The following NXPE4 variants were observed in gnomAD, a reference collection of about 807,000 sequenced individuals.
NXPE4 encodes neurexophilin and PC-esterase domain family member 4.
NXPE4 carries 42 observed loss-of-function variants against 33.3 expected under a neutral mutation model. The observed-to-expected ratio is 1.26, with a 90% CI of 0.98 to 1.63. The LOEUF (loss-of-function observed/expected upper bound fraction) is 1.63, where lower values mean the gene tolerates loss of function less well. Among genes scored for constraint, NXPE4 ranks in the 40% most tolerant of loss-of-function variants. NXPE4 has a pLI of 0.00. For missense variants in NXPE4, 709 were observed against 647.6 expected (o/e 1.09, Z -1.03); for synonymous variants, 253 against 234.9 (o/e 1.08, Z -0.71).
intron 2 of NXPE4, among the ~76,000 whole-genome samples, chr11:114,587,929 C>G (rs1949346212): frequency 6.6e-6 from 1 of 152,092 alleles, no homozygotes; most frequent in Non-Finnish European, 1.5e-5. Context: ...CAGAGGGGAG[C>G]CTTAATTTTA....
At chr11:114,672,527 G>T in the NXPE4 span, among the ~76,000 whole-genome samples, 1 of 151,848 alleles carries the variant, frequency 6.6e-6, no homozygotes, top group Non-Finnish European at 1.5e-5. Context: ...GGCAGAAATT[G>T]CCAGACTGGT....
the NXPE4 span, among the ~76,000 whole-genome samples, chr11:114,660,108 T>A: frequency 4.2e-4 from 64 of 152,140 alleles, 1 homozygote; most frequent in Non-Finnish European, 7.4e-4. Flanking sequence ...ATAGATAACC[T>A]GAAAATTCTA....
intron 4 of NXPE4, among the ~76,000 whole-genome samples, chr11:114,581,305 G>A (rs1949139506): frequency 6.6e-6 from 1 of 151,998 alleles, no homozygotes; most frequent in Non-Finnish European, 1.5e-5. Flanking sequence ...CAAGAGGGAG[G>A]GGTTATAATA....
intron 2 of NXPE4, among the ~76,000 whole-genome samples, chr11:114,590,806 C>G (rs1236545448): frequency 6.6e-6 from 1 of 152,152 alleles, no homozygotes; most frequent in Non-Finnish European, 1.5e-5. Flanking sequence ...CAAATTAACC[C>G]TGGGAAATGG....
At chr11:114,609,396 G>A in the NXPE4 span, among the ~76,000 whole-genome samples, 26,880 of 151,080 alleles carry the variant, frequency 0.18, 2,799 homozygotes, top group Non-Finnish European at 0.22. Context: ...GTATTGCATC[G>A]CTGGTAACCA....
the NXPE4 span, among the ~76,000 whole-genome samples, chr11:114,606,417 G>A: frequency 6.6e-6 from 1 of 151,900 alleles, no homozygotes; most frequent in Non-Finnish European, 1.5e-5. Context: ...TGGATAATAA[G>A]TATTGCCTCG....
the NXPE4 span, among the ~76,000 whole-genome samples, chr11:114,632,211 ATG>A: frequency 7.1e-6 from 1 of 141,192 alleles, no homozygotes; most frequent in Non-Finnish European, 1.5e-5. Context: ...CATATTATAT[ATG>A]TATATGTATA....
chr11:114,599,387 T>C (rs570495645), upstream of NXPE4, among the ~76,000 whole-genome samples: 1 of 152,306 alleles, frequency 6.6e-6, no homozygotes, highest in Non-Finnish European at 1.5e-5. Flanking sequence ...GTTTCTCTTA[T>C]ATTCTTGTCT....
chr11:114,665,293 C>T, the NXPE4 span, among the ~76,000 whole-genome samples: 2 of 152,068 alleles, frequency 1.3e-5, no homozygotes, highest in Admixed American at 1.3e-4. Context: ...TAATTTCTCC[C>T]CCACAATCTC....
upstream of NXPE4, among the ~76,000 whole-genome samples, chr11:114,596,856 G>T (rs112014978): frequency 2.6e-5 from 4 of 152,252 alleles, no homozygotes; most frequent in African/African-American, 9.6e-5. Context: ...CCTGGAGTCT[G>T]TTTATGAGGT....
the NXPE4 span, among the ~76,000 whole-genome samples, chr11:114,620,519 T>C: frequency 6.6e-6 from 1 of 151,352 alleles, no homozygotes; most frequent in Non-Finnish European, 1.5e-5. Context: ...GGGTAACCAC[T>C]TTAAGGCGGT....
At chr11:114,669,833 A>G in the NXPE4 span, among the ~76,000 whole-genome samples, 1 of 152,110 alleles carries the variant, frequency 6.6e-6, no homozygotes, top group Non-Finnish European at 1.5e-5. Context: ...GTAGGCAATT[A>G]TGCCTAGTGT....
chr11:114,621,738 C>T, the NXPE4 span, among the ~76,000 whole-genome samples: 13 of 152,208 alleles, frequency 8.5e-5, no homozygotes, highest in East Asian at 5.8e-4. Context: ...TGGGTAACCA[C>T]GGTTAACTGC....
At chr11:114,617,321 T>C in the NXPE4 span, among the ~76,000 whole-genome samples, 2 of 152,106 alleles carry the variant, frequency 1.3e-5, no homozygotes, top group Admixed American at 1.3e-4. Flanking sequence ...TTTTGCCTCG[T>C]GGGTAACCAC....
chr11:114,577,086 CAT>C (rs200222353), intron 5 of NXPE4, among the ~76,000 whole-genome samples: 27,206 of 118,876 alleles, frequency 0.23, 3,981 homozygotes, highest in African/African-American at 0.41. Flanking sequence ...TATATATATA[CAT>C]ATATATATAA....
chr11:114,578,944 A>T (rs558479433), intron 5 of NXPE4, among the ~76,000 whole-genome samples: 26 of 152,204 alleles, frequency 1.7e-4, no homozygotes, highest in Non-Finnish European at 2.9e-4. Flanking sequence ...TAAACACTTT[A>T]TATCCATTAC....
chr11:114,602,311 AAT>A, the NXPE4 span, among the ~76,000 whole-genome samples: 16 of 115,720 alleles, frequency 1.4e-4, no homozygotes, highest in Admixed American at 2.3e-4. Flanking sequence ...TACTATATAT[AAT>A]ATATATTATA....
chr11:114,676,547 A>T, the NXPE4 span, among the ~76,000 whole-genome samples: 114 of 152,170 alleles, frequency 7.5e-4, no homozygotes, highest in Non-Finnish European at 1.1e-3. Context: ...TGCAAATTAA[A>T]ACTACAATGA....
chr11:114,583,029 G>T lies in NXPE4; in HGVS notation c.97-8C>A. ...GTTTAGAGCAGACCAAACCTGAAATGACAGCAAATGTGACATGAGATGGAT... is the reference window on the plus strand; with the variant it reads ...GTTTAGAGCAGACCAAACCTGAAATTACAGCAAATGTGACATGAGATGGAT... On this transcript the variant is annotated splice_polypyrimidine_tract_variant and splice_region_variant and intron_variant, in intron 2 of 5. Coordinates refer to ENST00000375478, the MANE Select transcript of NXPE4 (RefSeq NM_001077639.2). 6.3e-7 allele frequency: 1 copy of T among 1,597,998 alleles called. No homozygotes were observed.
Sources: gnomAD v4.1 joint callset for allele counts (sites outside exome capture counted in the v4.1 genomes callset) on GRCh38, gnomAD v4.1.1 for gene constraint, MANE v1.5 for transcripts, NCBI Gene and HGNC (gene_info 2026-07-23, HGNC 2026-07-21) for gene names.